The following ARHGEF2 variants were observed in gnomAD, a reference collection of about 807,000 sequenced individuals.
ARHGEF2 encodes the protein Rho/Rac guanine nucleotide exchange factor 2.
ARHGEF2 carries 22 observed loss-of-function variants against 121.0 expected under a neutral mutation model. The observed-to-expected ratio is 0.18, with a 90% CI of 0.13 to 0.26. ARHGEF2 has a LOEUF of 0.26. Among genes scored for constraint, ARHGEF2 ranks in the 10% least tolerant of loss-of-function variants. The pLI is 1.00. For synonymous variants in ARHGEF2, 487 were observed against 530.0 expected, an observed-to-expected ratio of 0.92 and a Z score of 1.11; for missense variants, 907 against 1,336.0, an observed-to-expected ratio of 0.68 and a Z score of 5.01.
chr1:155,949,770 G>A (rs1384108167), intron 21 of ARHGEF2, among the ~76,000 whole-genome samples: 3 of 152,024 alleles, frequency 2.0e-5, no homozygotes, highest in South Asian at 4.2e-4. Flanking sequence ...CTAGCTACTT[G>A]GGAGGCTGAG....
intron 13 of ARHGEF2, 23 bp downstream of exon 13, chr1:155,957,690 G>A: frequency 6.3e-7 from 1 of 1,594,238 alleles, no homozygotes; most frequent in Non-Finnish European, 8.5e-7. Flanking sequence ...ATAAGCACAT[G>A]CAGGCGGCAG....
intron 15 of ARHGEF2, 66 bp from the exon 16 acceptor site, chr1:155,952,301 C>T (rs1675648125): frequency 6.3e-7 from 1 of 1,597,678 alleles, no homozygotes; most frequent in Non-Finnish European, 8.5e-7. Context: ...TGCCATTCAC[C>T]CCCACATGTG....
intron 13 of ARHGEF2, 37 bp downstream of exon 13, chr1:155,957,675 AG>A: frequency 6.3e-7 from 1 of 1,574,862 alleles, no homozygotes; most frequent in South Asian, 1.2e-5. Context: ...AGGTACCCTG[AG>A]GTCATAAGCA....
chr1:155,951,001 T>C lies in ARHGEF2; in HGVS notation c.2531A>G (p.Gln844Arg). The change falls in exon 20 of 22, where the codon CAG (glutamine) becomes CGG (arginine). Residue 844 changes from glutamine (Q) to arginine (R), a missense_variant. By Grantham distance (43) the Gln-to-Arg change is conservative. This residue lies in a region of ARHGEF2 where 432 missense variants were observed against 559.5 expected (regional missense o/e 0.77). Transcript: ENST00000361247. The surrounding 1 kb of genome is among the most constrained non-coding windows in gnomAD (Gnocchi z 5.1). ...SLEARLRESE[Q>R]ARALLEREAE... ...CTCACGCTCCAGCAGTGCCCGGGCC[T>C]GCTCACTCTCCCGGAGCCGGGCCTC... 1 of 1,608,718 alleles carries C rather than the reference T, an allele frequency of 6.2e-7. No individual in the cohort carries two copies. The highest frequency in any genetic ancestry group is 8.5e-7 in the Non-Finnish European group (1 of 1,178,806).
intron 2 of ARHGEF2, chr1:155,968,935 C>G (rs1679958110): frequency 3.6e-6 from 2 of 552,604 alleles, no homozygotes; most frequent in South Asian, 4.9e-5. Context: ...CTCCCCTCCC[C>G]CACATTCCCA....
chr1:155,953,746 C>CAAAAAAAA (rs926082849), intron 14 of ARHGEF2, among the ~76,000 whole-genome samples: 7 of 45,002 alleles, frequency 1.6e-4, no homozygotes, highest in Non-Finnish European at 2.9e-4. Flanking sequence ...GACCCTGTCT[C>CAAAAAAAA]AAAAAAAAAA....
rs763309424 is a variant in ARHGEF2, at chr1:155,951,528, C to T, written c.2214G>A (p.Ala738=). ...CATAGAGATTGACCAATCGCTGTAA[C>T]GCCTCCTGAGGACAGACAGGGTGGG... ...GNQLRSPQEE[A]LQRLVNLYGL... The change falls in exon 19 of 22, where the codon GCG becomes GCA. Residue 738 remains alanine (A), a synonymous_variant. Coordinates refer to ENST00000361247, the MANE Select transcript of ARHGEF2 (RefSeq NM_001162383.2). The surrounding 1 kb of genome is among the most constrained non-coding windows in gnomAD (Gnocchi z 5.1). 9.9e-6 allele frequency: 16 copies of T among 1,614,032 alleles called. No individual in the cohort carries two copies. Among genetic ancestry groups the T allele is most frequent in the Non-Finnish European group, 1.3e-5 (15 of 1,180,036 alleles).
At position 155,962,296 on chromosome 1, in the gene ARHGEF2, T is replaced by G. The variant is rs920816339; in HGVS notation, c.1102-74A>C. ...AGGCCTGGGGCCTGAGCTCTGGTGCTGGCCCTGGCGTGGCCATTTACCTCA... is the reference window on the plus strand; with the variant it reads ...AGGCCTGGGGCCTGAGCTCTGGTGCGGGCCCTGGCGTGGCCATTTACCTCA... On this transcript the variant is annotated intron_variant, in intron 9 of 21. Transcript: ENST00000361247. This position sits in a 1 kb window ranked among gnomAD's most constrained non-coding sequence, Gnocchi z 5.8. 7.4e-6 allele frequency: 11 copies of G among 1,476,808 alleles called. No individual in the cohort carries two copies. The Admixed American group carries it at 1.4e-4, about 19-fold the overall frequency. The allele number at this position is 1,476,808 out of a possible 1,614,324, so 91.5% of individuals were successfully genotyped here.
At position 155,965,579 on chromosome 1, in the gene ARHGEF2, G is replaced by A. The variant is rs528241415; in HGVS notation, c.470+52C>T. The A allele has an allele frequency of 3.1e-6, 5 of 1,610,944 alleles. No individual in the cohort carries two copies. In the African/African-American group the frequency reaches 5.3e-5, roughly 17 times the overall value. On this transcript the variant is annotated intron_variant, in intron 5 of 21. Transcript: ENST00000361247. This position sits in a 1 kb window ranked among gnomAD's most constrained non-coding sequence, Gnocchi z 6.0. ...GAAAGGGACCTCTCAGCACCCCCTT[G>A]GCCTCCACTGCCACACTCTCTGGCT...
chr1:155,976,224 C>G (rs114516591), intron 1 of ARHGEF2, among the ~76,000 whole-genome samples: 1,883 of 152,008 alleles, frequency 0.012, 11 homozygotes, highest in Middle Eastern at 0.041. Flanking sequence ...TACTTCCCAC[C>G]ACAGTATAAA....
At chr1:155,964,806 TC>T (rs1355531975) in intron 7 of ARHGEF2, among the ~76,000 whole-genome samples, 181 bp downstream of exon 7, 6 of 147,248 alleles carry the variant, frequency 4.1e-5, no homozygotes, top group African/African-American at 1.5e-4. Context: ...GTAATGAGAA[TC>T]GCTTGAACCT....
chr1:155,964,201 T>TAC (rs1363106499), intron 7 of ARHGEF2, among the ~76,000 whole-genome samples: 38 of 114,732 alleles, frequency 3.3e-4, no homozygotes, highest in Non-Finnish European at 4.9e-4. Flanking sequence ...TATATATACA[T>TAC]ATATATATAT....
At position 155,954,954 on chromosome 1, in the gene ARHGEF2, C is replaced by T. The variant is rs768897314; in HGVS notation, c.1731G>A (p.Glu577=). 4 of 1,611,400 alleles carry T rather than the reference C, an allele frequency of 2.5e-6. No individual in the cohort carries two copies. Among genetic ancestry groups the T allele is most frequent in the African/African-American group, 1.3e-5 (1 of 74,868 alleles). The change falls in exon 14 of 22, where the codon GAG becomes GAA. Residue 577 remains glutamate (E), a synonymous_variant. Transcript: ENST00000361247. ...QQSVRTCPSR[E]DFPLIETEDE... is the part of the protein sequence containing the mutation. ...CCTCTGTCTCAATCAGGGGGAAGTC[C>T]TCCCTGGATGGGCATCTGGAGGGGT...
chr1:155,964,276 G>A (rs1454188010), intron 7 of ARHGEF2, among the ~76,000 whole-genome samples: 4 of 143,130 alleles, frequency 2.8e-5, no homozygotes, highest in East Asian at 2.1e-4. Flanking sequence ...AAATCCTGGC[G>A]TCAAGTGATC....
At chr1:155,970,195 AC>A (rs1680195304) in intron 1 of ARHGEF2, 1 of 985,088 alleles carries the variant, frequency 1.0e-6, no homozygotes, top group Non-Finnish European at 1.2e-6. Context: ...TCTGACATCT[AC>A]CCTCCATCCT....
chr1:155,964,497 A>G (rs1678942346), intron 7 of ARHGEF2, among the ~76,000 whole-genome samples: 2 of 151,978 alleles, frequency 1.3e-5, no homozygotes, highest in Non-Finnish European at 2.9e-5. Flanking sequence ...AGAGATAAAG[A>G]AGGGATAAAG....
At chr1:155,949,964 G>A (rs915648196) in intron 21 of ARHGEF2, among the ~76,000 whole-genome samples, 2 of 152,050 alleles carry the variant, frequency 1.3e-5, no homozygotes, top group African/African-American at 4.8e-5. Context: ...GTCTCACTAT[G>A]TTGCCCAGGC....
At chr1:155,976,861 G>C (rs1433069070) in intron 1 of ARHGEF2, among the ~76,000 whole-genome samples, 1 of 151,780 alleles carries the variant, frequency 6.6e-6, no homozygotes, top group Non-Finnish European at 1.5e-5. Context: ...ACCTCACCCC[G>C]GCCCTCTGTT....
In ARHGEF2 at chr1:155,954,903, C is replaced by T. The variant is rs1558005621; in HGVS notation, c.1782G>A (p.Lys594=). The change falls in exon 14 of 22, where the codon AAG becomes AAA. Residue 594 remains lysine (K), a splice_region_variant and synonymous_variant. Transcript: ENST00000361247. ...GGAGCTCCTTGTGGGTGGACTTACT[C>T]TTAATTCGCCGCAGGTAAGCCTCAT... ...TEDEAYLRRI[K]MELQQKDRAL... The T allele has an allele frequency of 1.2e-6, 2 of 1,611,090 alleles. No individual in the cohort carries two copies. Among genetic ancestry groups the T allele is most frequent in the East Asian group, 4.5e-5 (2 of 44,778 alleles).
Sources: allele counts gnomAD v4.1 joint callset (sites outside exome capture counted in the v4.1 genomes callset), GRCh38; gene constraint gnomAD v4.1.1; regional missense constraint gnomAD v4.1.1; non-coding constraint Gnocchi (gnomAD v3.1); transcripts MANE v1.5; gene names NCBI Gene and HGNC (gene_info 2026-07-23, HGNC 2026-07-21).